Variants in MEGF11 observed in about 807,000 individuals in gnomAD.
MEGF11 encodes the protein multiple EGF like domains 11, also known as multiple epidermal growth factor-like domains protein 11.
A neutral mutation model predicts 146.6 loss-of-function variants in MEGF11; 126 were observed. That is an observed-to-expected ratio of 0.86 (90% confidence interval 0.74 to 1.00). The LOEUF is 1.00. Ranked by LOEUF, MEGF11 falls within the 50% of genes least tolerant of loss-of-function variation. The pLI is 0.00. For synonymous variants in MEGF11, 532 were observed against 583.4 expected (o/e 0.91, Z 1.27); for missense variants, 1,509 against 1,521.2 (o/e 0.99, Z 0.13).
chr15:65,902,330 GC>G (rs2078515363), intron 24 of MEGF11: 1 of 152,458 alleles, frequency 6.6e-6, no homozygotes, highest in African/African-American at 2.4e-5. Flanking sequence ...GTGGGGAGGG[GC>G]TAAGCTCAGG....
chr15:66,076,693 G>T (rs915098450), intron 5 of MEGF11, among the ~76,000 whole-genome samples: 1 of 152,192 alleles, frequency 6.6e-6, no homozygotes, highest in African/African-American at 2.4e-5. Context: ...TATCTCCCTG[G>T]CTGCACCAGG....
chr15:65,896,802 G>A lies in MEGF11; in HGVS notation c.*1132C>T, dbSNP rs1044499555. On this transcript the variant is annotated 3_prime_UTR_variant, in exon 26 of 26. Coordinates refer to ENST00000395614, the MANE Select transcript of MEGF11 (RefSeq NM_001385028.1). ...TGGAAGGACTTCATATCCTCATGCT[G>A]TTTACAGTAACGTTTTTACATCACG... 6.6e-6 allele frequency: 1 copy of A among 152,138 alleles called. No individual in the cohort carries two copies. The highest frequency in any genetic ancestry group is 6.5e-5 in the Admixed American group (1 of 15,278). The allele number at this position is 152,138 out of a possible 1,614,324, so 9.4% of individuals were successfully genotyped here. A position where few individuals can be genotyped will look rare whatever the true frequency, so the allele number is the denominator to read the frequency against.
intron 1 of MEGF11, among the ~76,000 whole-genome samples, chr15:66,226,145 G>C (rs1042152756): frequency 2.6e-5 from 4 of 152,182 alleles, no homozygotes; most frequent in African/African-American, 9.7e-5. Flanking sequence ...GTCCAGTGTA[G>C]CCACGCTGTA....
At chr15:66,019,394 T>A (rs943973794) in intron 5 of MEGF11, among the ~76,000 whole-genome samples, 3 of 152,250 alleles carry the variant, frequency 2.0e-5, no homozygotes, top group Admixed American at 1.3e-4. Flanking sequence ...ATAAATGTAT[T>A]CAGCAAGTGT....
At chr15:66,023,213 C>T (rs1358912190) in intron 5 of MEGF11, among the ~76,000 whole-genome samples, 1 of 151,620 alleles carries the variant, frequency 6.6e-6, no homozygotes, top group Non-Finnish European at 1.5e-5. Flanking sequence ...GATGGAGATT[C>T]CACTCTTTCA....
intron 24 of MEGF11, among the ~76,000 whole-genome samples, chr15:65,900,638 C>A (rs1375476736): frequency 6.6e-6 from 1 of 152,190 alleles, no homozygotes; most frequent in African/African-American, 2.4e-5. Context: ...CCTCTCATTG[C>A]TTATTGAGGA....
At chr15:66,153,526 T>G (rs189161421) in intron 1 of MEGF11, among the ~76,000 whole-genome samples, 2 of 151,920 alleles carry the variant, frequency 1.3e-5, no homozygotes, top group Non-Finnish European at 2.9e-5. Flanking sequence ...TGAGCCGAGA[T>G]CATGCCACTG....
chr15:66,119,051 C>T (rs1486826617), intron 4 of MEGF11, 35 bp downstream of exon 4: 1 of 1,441,294 alleles, frequency 6.9e-7, no homozygotes, highest in Middle Eastern at 1.7e-4. Flanking sequence ...CCTCCCTTCC[C>T]CACTGAGGGC....
chr15:66,097,571 G>A (rs2086606934), intron 4 of MEGF11, among the ~76,000 whole-genome samples: 1 of 152,114 alleles, frequency 6.6e-6, no homozygotes, highest in Non-Finnish European at 1.5e-5. Context: ...TCCATCTGCT[G>A]TCGTGGACAG....
At chr15:66,053,830 G>A (rs1361548442) in intron 5 of MEGF11, among the ~76,000 whole-genome samples, 2 of 148,792 alleles carry the variant, frequency 1.3e-5, no homozygotes, top group Admixed American at 6.8e-5. Flanking sequence ...CTGGGCTCAG[G>A]TGATCCTCCT....
chr15:66,160,588 T>A (rs1022115673), intron 1 of MEGF11, among the ~76,000 whole-genome samples: 1 of 151,998 alleles, frequency 6.6e-6, no homozygotes, highest in Non-Finnish European at 1.5e-5. Flanking sequence ...TAATTTCTAA[T>A]GTCATTCATT....
At position 65,993,619 on chromosome 15, in the gene MEGF11, G is replaced by A. The variant is rs558338192; in HGVS notation, c.395-11131C>T. ...CGTGGCCCCCTCACTTGCCTTTTGGGGTCCCTGAGCAAGTCTCAGGCTGTG... is the reference window on the plus strand; with the variant it reads ...CGTGGCCCCCTCACTTGCCTTTTGGAGTCCCTGAGCAAGTCTCAGGCTGTG... On this transcript the variant is annotated intron_variant, in intron 5 of 25. Coordinates refer to ENST00000395614, the MANE Select transcript of MEGF11 (RefSeq NM_001385028.1). Among the ~76,000 whole-genome samples the A allele has an allele frequency of 9.2e-5, 14 of 152,306 alleles. No homozygotes were observed. In the South Asian group the frequency reaches 1.5e-3, roughly 16 times the overall value.
At chr15:66,103,798 A>G (rs2086935625) in intron 4 of MEGF11, among the ~76,000 whole-genome samples, 1 of 152,228 alleles carries the variant, frequency 6.6e-6, no homozygotes, top group South Asian at 2.1e-4. Flanking sequence ...GTTAAAGTGC[A>G]AGGCAGGGCT....
intron 1 of MEGF11, among the ~76,000 whole-genome samples, chr15:66,211,409 A>T (rs1360010179): frequency 6.6e-6 from 1 of 151,936 alleles, no homozygotes; most frequent in Non-Finnish European, 1.5e-5. Flanking sequence ...CTGTAGTCCC[A>T]GCTACTCAGG....
chr15:66,243,634 T>G (rs1445887338), intron 1 of MEGF11, among the ~76,000 whole-genome samples: 1 of 152,240 alleles, frequency 6.6e-6, no homozygotes, highest in East Asian at 1.9e-4. Context: ...TCATGGAGAC[T>G]GGCATGCCAT....
chr15:66,180,835 C>G (rs2090525296), intron 1 of MEGF11, among the ~76,000 whole-genome samples: 1 of 152,176 alleles, frequency 6.6e-6, no homozygotes, highest in Non-Finnish European at 1.5e-5. Context: ...CTCACTCTGC[C>G]TCTCCATTTA....
At chr15:66,104,428 C>T (rs538064549) in intron 4 of MEGF11, among the ~76,000 whole-genome samples, 15 of 152,244 alleles carry the variant, frequency 9.9e-5, no homozygotes, top group Non-Finnish European at 2.2e-4. Flanking sequence ...AAACTATGTA[C>T]GTACACCATC....
chr15:66,035,681 C>T (rs1477224875), intron 5 of MEGF11, among the ~76,000 whole-genome samples: 1 of 152,158 alleles, frequency 6.6e-6, no homozygotes, highest in Admixed American at 6.6e-5. Context: ...ACCCATGTAC[C>T]CACTACTTAG....
intron 5 of MEGF11, among the ~76,000 whole-genome samples, chr15:66,084,088 G>T (rs2086002471): frequency 6.6e-6 from 1 of 152,188 alleles, no homozygotes; most frequent in Admixed American, 6.5e-5. Flanking sequence ...ACATCATAGA[G>T]TGTACTTGCA....
Sources: allele counts gnomAD v4.1 joint callset (sites outside exome capture counted in the v4.1 genomes callset), GRCh38; gene constraint gnomAD v4.1.1; transcripts MANE v1.5; gene names NCBI Gene and HGNC (gene_info 2026-07-23, HGNC 2026-07-21).